PDE4D: variants seen among roughly 807,000 people sequenced by gnomAD.
The protein encoded by PDE4D is phosphodiesterase 4D, also known as 3',5'-cyclic-AMP phosphodiesterase 4D.
PDE4D carries 24 observed loss-of-function variants against 87.4 expected under a neutral mutation model. The ratio of observed to expected loss-of-function variants is 0.27; its 90% CI spans 0.20 to 0.39. The LOEUF (loss-of-function observed/expected upper bound fraction) is 0.39. PDE4D is among the 10% of genes least tolerant of loss of function. PDE4D has a pLI of 1.00. For missense variants in PDE4D, 714 were observed against 1,041.0 expected (o/e 0.69, Z 4.32); for synonymous variants, 384 against 383.2 (o/e 1.00, Z -0.02).
intron 1 of PDE4D, among the ~76,000 whole-genome samples, chr5:59,861,664 A>G (rs1746309192): frequency 6.6e-6 from 1 of 152,192 alleles, no homozygotes; most frequent in Non-Finnish European, 1.5e-5. Flanking sequence ...CCCAGCTCTC[A>G]TCTCACAGTG....
chr5:59,039,075 C>A, intron 5 of PDE4D, 104 bp from the exon 6 acceptor site: 1 of 1,489,056 alleles, frequency 6.7e-7, no homozygotes, highest in Non-Finnish European at 9.0e-7. Flanking sequence ...TGCTCGGATG[C>A]CCGGTGCCGG....
chr5:59,753,771 C>T (rs7703558), intron 1 of PDE4D, among the ~76,000 whole-genome samples: 205 of 152,258 alleles, frequency 1.3e-3, no homozygotes, highest in African/African-American at 1.8e-3. Flanking sequence ...ATTTCAAATG[C>T]TAATAATATT....
rs542276193 is a variant in PDE4D at position 59,237,916 on chromosome 5, G to T, written c.456-21948C>A. On this transcript the variant is annotated intron_variant, in intron 1 of 14. Transcript: ENST00000340635. Reference sequence around the variant, plus strand: ...TTGCTTCTTAATTTTGTGGGAGGCAGTCATTTTGTTATTCATTGCATCTGA... The same window carrying T: ...TTGCTTCTTAATTTTGTGGGAGGCATTCATTTTGTTATTCATTGCATCTGA... 2.6e-5 allele frequency among the ~76,000 whole-genome samples: 4 copies of T among 152,188 alleles called. No homozygotes were observed. In the South Asian group the frequency reaches 8.3e-4, roughly 32 times the overall value.
At chr5:60,212,786 G>C (rs1362618664) in intron 1 of PDE4D, among the ~76,000 whole-genome samples, 1 of 152,136 alleles carries the variant, frequency 6.6e-6, no homozygotes, top group Non-Finnish European at 1.5e-5. Flanking sequence ...ACAAAGTCTT[G>C]CCTAATACTA....
chr5:59,238,036 A>G (rs1581538982), intron 1 of PDE4D, among the ~76,000 whole-genome samples: 1 of 152,140 alleles, frequency 6.6e-6, no homozygotes, highest in Non-Finnish European at 1.5e-5. Flanking sequence ...GAGACACTAT[A>G]TGATGATAGT....
chr5:60,150,772 C>T (rs1294830136), intron 2 of PDE4D, among the ~76,000 whole-genome samples: 2 of 152,128 alleles, frequency 1.3e-5, no homozygotes, highest in African/African-American at 4.8e-5. Flanking sequence ...AAAGCTCACC[C>T]ACTTCCCTGA....
At chr5:60,080,802 C>T (rs545014705) in intron 2 of PDE4D, among the ~76,000 whole-genome samples, 19 of 152,060 alleles carry the variant, frequency 1.2e-4, no homozygotes, top group Non-Finnish European at 2.6e-4. Flanking sequence ...TGAGGATTTT[C>T]GCATGGATGT....
At chr5:59,262,090 C>T (rs1170119565) in intron 1 of PDE4D, among the ~76,000 whole-genome samples, 1 of 151,660 alleles carries the variant, frequency 6.6e-6, no homozygotes, top group Non-Finnish European at 1.5e-5. Context: ...AAAACTATTC[C>T]AAGGATATAG....
At chr5:59,121,026 A>G (rs893208976) in intron 5 of PDE4D, among the ~76,000 whole-genome samples, 2 of 152,176 alleles carry the variant, frequency 1.3e-5, no homozygotes, top group African/African-American at 4.8e-5. Context: ...AGAAGAATGA[A>G]AGTAGACCCC....
At chr5:59,570,737 C>T (rs1821697534) in intron 1 of PDE4D, among the ~76,000 whole-genome samples, 2 of 151,908 alleles carry the variant, frequency 1.3e-5, no homozygotes, top group African/African-American at 4.8e-5. Flanking sequence ...ATGATATTAT[C>T]GTTGTCTTTA....
intron 3 of PDE4D, among the ~76,000 whole-genome samples, chr5:59,933,822 T>C (rs1756262144): frequency 1.3e-5 from 2 of 150,184 alleles, no homozygotes; most frequent in Admixed American, 1.3e-4. Flanking sequence ...GATAATAATT[T>C]TGCGCATTTT....
intron 1 of PDE4D, among the ~76,000 whole-genome samples, chr5:59,795,871 G>A (rs1766416279): frequency 6.6e-6 from 1 of 152,186 alleles, no homozygotes; most frequent in Admixed American, 6.5e-5. Flanking sequence ...CTTATCTGAT[G>A]TGAGGGGAAT....
chr5:60,424,616 C>T (rs79985897), intron 1 of PDE4D, among the ~76,000 whole-genome samples: 2 of 152,274 alleles, frequency 1.3e-5, no homozygotes, highest in Admixed American at 1.3e-4. Flanking sequence ...CCTTTGAAAA[C>T]CAGCACAAGA....
intron 5 of PDE4D, among the ~76,000 whole-genome samples, chr5:59,070,616 G>C (rs1241697031): frequency 6.6e-6 from 1 of 152,120 alleles, no homozygotes; most frequent in Non-Finnish European, 1.5e-5. Flanking sequence ...TCCATGAGCA[G>C]AACCAAAGAA....
At chr5:59,843,529 T>G (rs1176092033) in intron 1 of PDE4D, among the ~76,000 whole-genome samples, 1 of 152,062 alleles carries the variant, frequency 6.6e-6, no homozygotes, top group East Asian at 1.9e-4. Context: ...CTTGAAGATG[T>G]GTCTGAAGGA....
chr5:59,349,663 A>G (rs184090434), intron 1 of PDE4D, among the ~76,000 whole-genome samples: 4 of 152,320 alleles, frequency 2.6e-5, no homozygotes, highest in East Asian at 1.9e-4. Flanking sequence ...AGTTTTAACT[A>G]TAGTGAAAAC....
intron 1 of PDE4D, among the ~76,000 whole-genome samples, chr5:60,349,647 C>T (rs1318299755): frequency 6.6e-6 from 1 of 152,070 alleles, no homozygotes; most frequent in Non-Finnish European, 1.5e-5. Context: ...AACACAATCC[C>T]AAAATAAAAG....
At chr5:59,220,425 A>C (rs1752292180) in intron 1 of PDE4D, among the ~76,000 whole-genome samples, 1 of 151,060 alleles carries the variant, frequency 6.6e-6, no homozygotes, top group African/African-American at 2.4e-5. Flanking sequence ...ACAGAGTTAA[A>C]AAAAAAAAGG....
chr5:59,671,072 G>A (rs1747121385), intron 1 of PDE4D, among the ~76,000 whole-genome samples: 1 of 152,188 alleles, frequency 6.6e-6, no homozygotes, highest in African/African-American at 2.4e-5. Flanking sequence ...AGTAGAATGA[G>A]ATATGAGTTC....
Sources: gnomAD v4.1 joint callset for allele counts (sites outside exome capture counted in the v4.1 genomes callset) on GRCh38, gnomAD v4.1.1 for gene constraint, MANE v1.5 for transcripts, NCBI Gene and HGNC (gene_info 2026-07-23, HGNC 2026-07-21) for gene names.